The following PCDH9 variants were observed in gnomAD, a reference collection of about 807,000 sequenced individuals.
The protein encoded by PCDH9 is protocadherin 9, also known as protocadherin-9.
PCDH9 carries 24 observed loss-of-function variants against 70.6 expected under a neutral mutation model. The observed-to-expected ratio is 0.34, with a 90% CI of 0.25 to 0.48. PCDH9 has a LOEUF of 0.48. Ranked by LOEUF, PCDH9 falls within the 20% of genes least tolerant of loss-of-function variation. The probability of loss-of-function intolerance (pLI) is 0.99; values close to 1 mark genes in which losing one functional copy is unlikely to be tolerated. For synonymous variants in PCDH9, 562 were observed against 558.5 expected (o/e 1.01, Z -0.09); for missense variants, 1,281 against 1,503.6 (o/e 0.85, Z 2.45).
intron 3 of PCDH9, among the ~76,000 whole-genome samples, chr13:66,639,517 T>A (rs1292758027): frequency 1.3e-5 from 2 of 152,198 alleles, no homozygotes; most frequent in African/African-American, 2.4e-5. Context: ...TTAACTAGCA[T>A]CTATCATGTG....
intron 4 of PCDH9, among the ~76,000 whole-genome samples, chr13:66,317,162 AAAC>A (rs1427190396): frequency 2.0e-5 from 3 of 152,204 alleles, no homozygotes; most frequent in Admixed American, 2.0e-4. Flanking sequence ...TGTAGCTATG[AAAC>A]AACATCTCTT....
At chr13:67,014,662 C>A (rs145675671) in intron 2 of PCDH9, among the ~76,000 whole-genome samples, 11 of 152,144 alleles carry the variant, frequency 7.2e-5, no homozygotes, top group African/African-American at 2.6e-4. Flanking sequence ...TATTTCTGTA[C>A]CACTATTAAC....
In PCDH9 at chr13:66,388,559, T is replaced by C. The variant is rs569458757; in HGVS notation, c.3341-83531A>G. Among the ~76,000 whole-genome samples, 6 of 152,264 alleles carry C rather than the reference T, an allele frequency of 3.9e-5. No individual in the cohort carries two copies. In the East Asian group the frequency reaches 1.2e-3, roughly 29 times the overall value. ...TTTTTAACTTTGAGAAGTTTATAGT[T>C]TACAGTTAAAAATTTGTTTTGTTCA... On this transcript the variant is annotated intron_variant, in intron 4 of 4. Transcript: ENST00000377865.
At chr13:66,871,053 C>A (rs983557330) in intron 3 of PCDH9, among the ~76,000 whole-genome samples, 6 of 151,984 alleles carry the variant, frequency 3.9e-5, no homozygotes, top group Non-Finnish European at 7.4e-5. Flanking sequence ...GAATACTATG[C>A]AGCCATAAAA....
chr13:66,910,784 T>C (rs1410384182), intron 2 of PCDH9, among the ~76,000 whole-genome samples: 5 of 152,200 alleles, frequency 3.3e-5, no homozygotes, highest in Admixed American at 6.5e-5. Flanking sequence ...AAAATAGCTT[T>C]ATCCTAGCCT....
intron 4 of PCDH9, among the ~76,000 whole-genome samples, chr13:66,577,287 A>T (rs1490825263): frequency 6.6e-6 from 1 of 151,910 alleles, no homozygotes; most frequent in Non-Finnish European, 1.5e-5. Context: ...TCCAGAATTG[A>T]TTCATTTTAA....
chr13:67,004,493 G>A (rs2084309209), intron 2 of PCDH9, among the ~76,000 whole-genome samples: 1 of 147,414 alleles, frequency 6.8e-6, no homozygotes, highest in African/African-American at 2.5e-5. Context: ...GGAGGCAGAA[G>A]TTGCAGCGAG....
intron 2 of PCDH9, among the ~76,000 whole-genome samples, chr13:67,020,497 C>A (rs1023396532): frequency 6.6e-6 from 1 of 152,060 alleles, no homozygotes; most frequent in Non-Finnish European, 1.5e-5. Flanking sequence ...AAGAAGAATT[C>A]CCACGTTAGA....
intron 3 of PCDH9, among the ~76,000 whole-genome samples, chr13:66,720,522 G>A (rs2078928919): frequency 6.6e-6 from 1 of 151,778 alleles, no homozygotes; most frequent in South Asian, 2.1e-4. Context: ...TAAAGAAAAT[G>A]TTTATTTTGA....
At chr13:66,517,512 G>GC (rs1959794243) in intron 4 of PCDH9, among the ~76,000 whole-genome samples, 1 of 152,030 alleles carries the variant, frequency 6.6e-6, no homozygotes, top group Non-Finnish European at 1.5e-5. Flanking sequence ...AACAAAACTT[G>GC]CTATCAGGGA....
chr13:67,136,321 A>C (rs930973470), intron 2 of PCDH9, among the ~76,000 whole-genome samples: 3 of 152,150 alleles, frequency 2.0e-5, no homozygotes, highest in Non-Finnish European at 4.4e-5. Context: ...ATGTTAACAC[A>C]GCGACAAAAT....
rs576432469 is a variant in PCDH9 at position 66,594,140 on chromosome 13, C to T, written c.3340+37070G>A. On this transcript the variant is annotated intron_variant, in intron 4 of 4. Coordinates refer to ENST00000377865, the MANE Select transcript of PCDH9 (RefSeq NM_203487.3). Reference sequence around the variant, plus strand: ...ATTGGGACAGAATATTTTTTGAAGTCAGAATAATATGACTAAGAAATGTGT... The same window carrying T: ...ATTGGGACAGAATATTTTTTGAAGTTAGAATAATATGACTAAGAAATGTGT... Among the ~76,000 whole-genome samples, 8 of 151,590 alleles carry T rather than the reference C, an allele frequency of 5.3e-5. No homozygotes were observed. In the East Asian group the frequency reaches 1.6e-3, roughly 30 times the overall value.
At position 66,573,741 on chromosome 13, in the gene PCDH9, G is replaced by T. The variant is rs76582588; in HGVS notation, c.3340+57469C>A. Among the ~76,000 whole-genome samples, 13 of 133,800 alleles carry T rather than the reference G, an allele frequency of 9.7e-5. No individual in the cohort carries two copies. The East Asian group carries it at 1.4e-3, about 14-fold the overall frequency. The allele number at this position is 133,800 out of a possible 152,430, so 87.8% of individuals were successfully genotyped here. ...TTGTTGAGAGCAGTTGGGTTTTTTT[G>T]TTTGTTTGTTTGTTTGTTTGTTTGT... On this transcript the variant is annotated intron_variant, in intron 4 of 4. Coordinates refer to ENST00000377865, the MANE Select transcript of PCDH9 (RefSeq NM_203487.3).
rs573988300 is a variant in PCDH9, at chr13:67,150,142, T to C, written c.3036+75263A>G. ...TCTGCCTCCCAGGTTCAAGTGATTA[T>C]CCTGCCTCAACTTCCCAAGTAGCTG... On this transcript the variant is annotated intron_variant, in intron 2 of 4. Coordinates refer to ENST00000377865, the MANE Select transcript of PCDH9 (RefSeq NM_203487.3). 3.3e-5 allele frequency among the ~76,000 whole-genome samples: 5 copies of C among 152,356 alleles called. No homozygotes were observed. The East Asian group carries it at 7.7e-4, about 24-fold the overall frequency.
At chr13:67,145,429 T>A (rs1206706079) in intron 2 of PCDH9, among the ~76,000 whole-genome samples, 1 of 152,014 alleles carries the variant, frequency 6.6e-6, no homozygotes, top group Non-Finnish European at 1.5e-5. Flanking sequence ...TTTGTGCACC[T>A]CATTTAGTAC....
chr13:66,770,115 C>G (rs1221318291), intron 3 of PCDH9, among the ~76,000 whole-genome samples: 3 of 151,956 alleles, frequency 2.0e-5, no homozygotes, highest in African/African-American at 7.3e-5. Context: ...AAGAGATATT[C>G]CTTTCATTAG....
At chr13:66,329,021 C>T (rs778720864) in intron 4 of PCDH9, among the ~76,000 whole-genome samples, 11 of 151,906 alleles carry the variant, frequency 7.2e-5, no homozygotes, top group Non-Finnish European at 1.5e-4. Flanking sequence ...CTTATTTTCA[C>T]GAAAATAAGT....
intron 2 of PCDH9, among the ~76,000 whole-genome samples, chr13:67,131,452 G>A (rs1343662982): frequency 6.6e-6 from 1 of 152,070 alleles, no homozygotes; most frequent in Non-Finnish European, 1.5e-5. Context: ...AAACTTAAAA[G>A]ATTAACATGT....
intron 2 of PCDH9, among the ~76,000 whole-genome samples, chr13:66,991,976 C>G (rs997507359): frequency 6.6e-6 from 1 of 151,926 alleles, no homozygotes; most frequent in South Asian, 2.1e-4. Context: ...AATTTAAGAT[C>G]ATATTCTTCC....
Sources: gnomAD v4.1 joint callset for allele counts (sites outside exome capture counted in the v4.1 genomes callset) on GRCh38, gnomAD v4.1.1 for gene constraint, MANE v1.5 for transcripts, NCBI Gene and HGNC (gene_info 2026-07-23, HGNC 2026-07-21) for gene names.